SLC9A9: variants seen among roughly 807,000 people sequenced by gnomAD.
SLC9A9 encodes the protein sodium/hydrogen exchanger 9.
Under a neutral mutation model 77.8 loss-of-function variants are expected in SLC9A9, and 62 were observed. That is an observed-to-expected ratio of 0.80 (90% CI 0.65 to 0.98). The LOEUF (loss-of-function observed/expected upper bound fraction) is 0.98. SLC9A9 is among the 50% of genes least tolerant of loss of function. SLC9A9 has a pLI of 0.00. For missense variants in SLC9A9, 775 were observed against 774.9 expected (o/e 1.00, Z 0.00); for synonymous variants, 320 against 283.5 (o/e 1.13, Z -1.29).
chr3:143,830,887 AT>A (rs1405776078), intron 2 of SLC9A9, among the ~76,000 whole-genome samples: 1 of 152,140 alleles, frequency 6.6e-6, no homozygotes, highest in African/African-American at 2.4e-5. Flanking sequence ...GAAATACATT[AT>A]CTAATTTGCT....
chr3:143,808,032 T>C (rs905796650), intron 2 of SLC9A9, among the ~76,000 whole-genome samples: 6 of 152,142 alleles, frequency 3.9e-5, no homozygotes, highest in Non-Finnish European at 1.5e-5. Flanking sequence ...GAGAAGGCAG[T>C]ACCCAAGTAT....
intron 9 of SLC9A9, among the ~76,000 whole-genome samples, chr3:143,513,372 T>C (rs891638303): frequency 2.6e-5 from 4 of 152,236 alleles, no homozygotes; most frequent in Admixed American, 2.6e-4. Flanking sequence ...ACAACTCATC[T>C]GTTCAAGTTT....
chr3:143,692,099 C>T (rs1405400263), intron 5 of SLC9A9, among the ~76,000 whole-genome samples: 1 of 152,076 alleles, frequency 6.6e-6, no homozygotes, highest in African/African-American at 2.4e-5. Flanking sequence ...ATAAGAAATA[C>T]AGGGCACTGA....
intron 1 of SLC9A9, among the ~76,000 whole-genome samples, chr3:143,839,350 T>C (rs917119473): frequency 7.2e-5 from 11 of 152,194 alleles, no homozygotes; most frequent in African/African-American, 2.7e-4. Context: ...ATGAAGCTAA[T>C]TAACCTTGTG....
In SLC9A9 at chr3:143,544,734, C is replaced by T. The variant is rs542653883; in HGVS notation, c.1089+7628G>A. Among the ~76,000 whole-genome samples, 265 of 152,178 alleles carry T rather than the reference C, an allele frequency of 1.7e-3. 2 individuals are homozygous for T. Among genetic ancestry groups the T allele is most frequent in the Middle Eastern group, 6.8e-3 (2 of 294 alleles). On this transcript the variant is annotated intron_variant, in intron 9 of 15. Transcript: ENST00000316549. ...TGCTTTTGAGGACTTAGTCACAAAT[C>T]CTTTCCCAAAACTGATGTCCAGAAT...
At chr3:143,488,369 C>A (rs965589817) in intron 11 of SLC9A9, among the ~76,000 whole-genome samples, 34 of 151,876 alleles carry the variant, frequency 2.2e-4, no homozygotes, top group Non-Finnish European at 3.5e-4. Context: ...TTCCAAAAAC[C>A]TGAAGAGGAG....
chr3:143,575,132 A>G (rs145213905), intron 7 of SLC9A9, among the ~76,000 whole-genome samples: 1 of 152,244 alleles, frequency 6.6e-6, no homozygotes, highest in Non-Finnish European at 1.5e-5. Context: ...TCTCAGCAGT[A>G]TATTAACCTC....
rs75645508 is a variant in SLC9A9, at chr3:143,844,670, C to T, written c.175+3478G>A. Among the ~76,000 whole-genome samples, 115 of 152,166 alleles carry T rather than the reference C, an allele frequency of 7.6e-4. 1 individual carries two copies. Among genetic ancestry groups the T allele is most frequent in the African/African-American group, 2.6e-3 (109 of 41,498 alleles). ...GTTACAGTCTACTCTCAAATGTTCA[C>T]TTCCTTAAGAACAAGAAATTTTAAA... On this transcript the variant is annotated intron_variant, in intron 1 of 15. Transcript: ENST00000316549.
At chr3:143,674,056 T>A (rs1170753183) in intron 5 of SLC9A9, among the ~76,000 whole-genome samples, 4 of 152,180 alleles carry the variant, frequency 2.6e-5, no homozygotes, top group African/African-American at 9.7e-5. Flanking sequence ...CTGAGAAGAA[T>A]TCACTGCTAA....
intron 6 of SLC9A9, among the ~76,000 whole-genome samples, chr3:143,579,314 A>G (rs1216341760): frequency 2.0e-5 from 3 of 152,204 alleles, no homozygotes; most frequent in African/African-American, 4.8e-5. Context: ...CCACCAAAAC[A>G]AATGGCAACA....
chr3:143,739,586 T>A (rs950867702), intron 4 of SLC9A9, among the ~76,000 whole-genome samples: 1 of 152,246 alleles, frequency 6.6e-6, no homozygotes, highest in Non-Finnish European at 1.5e-5. Flanking sequence ...TATTTTATGA[T>A]CAATAACCAC....
At chr3:143,796,257 C>T (rs888056589) in intron 3 of SLC9A9, among the ~76,000 whole-genome samples, 1 of 152,182 alleles carries the variant, frequency 6.6e-6, no homozygotes, top group Non-Finnish European at 1.5e-5. Flanking sequence ...TGAGCATCAA[C>T]AGTAGTCTTG....
chr3:143,548,968 C>A (rs2036836292), intron 9 of SLC9A9, among the ~76,000 whole-genome samples: 1 of 152,170 alleles, frequency 6.6e-6, no homozygotes, highest in African/African-American at 2.4e-5. Flanking sequence ...CCTGAGTTTA[C>A]TAATTGGCTT....
intron 4 of SLC9A9, among the ~76,000 whole-genome samples, chr3:143,712,377 A>C (rs1437236113): frequency 6.6e-6 from 1 of 152,214 alleles, no homozygotes; most frequent in Non-Finnish European, 1.5e-5. Flanking sequence ...GGAAAGAATT[A>C]AGTTTATTAA....
At chr3:143,414,737 G>T (rs2034160955) in intron 12 of SLC9A9, among the ~76,000 whole-genome samples, 1 of 152,142 alleles carries the variant, frequency 6.6e-6, no homozygotes, top group Non-Finnish European at 1.5e-5. Context: ...CAGCAGTATT[G>T]AAATTAAGCC....
intron 8 of SLC9A9, among the ~76,000 whole-genome samples, chr3:143,564,480 G>A (rs1229072442): frequency 6.6e-6 from 1 of 152,030 alleles, no homozygotes; most frequent in African/African-American, 2.4e-5. Flanking sequence ...GGGTTTAAGA[G>A]GTTGATGGGT....
chr3:143,725,316 AAGTC>A (rs1178981308), intron 4 of SLC9A9, among the ~76,000 whole-genome samples: 2 of 152,080 alleles, frequency 1.3e-5, no homozygotes, highest in African/African-American at 4.8e-5. Context: ...ACCATTGTGG[AAGTC>A]AGTGTGGCGA....
chr3:143,434,478 G>A (rs914907130), intron 12 of SLC9A9, among the ~76,000 whole-genome samples: 2 of 152,138 alleles, frequency 1.3e-5, no homozygotes, highest in Non-Finnish European at 2.9e-5. Flanking sequence ...TCCTGGAAGA[G>A]CAACCTGTAA....
chr3:143,743,598 A>G (rs1315631176), intron 4 of SLC9A9, among the ~76,000 whole-genome samples: 1 of 152,072 alleles, frequency 6.6e-6, no homozygotes, highest in Admixed American at 6.5e-5. Flanking sequence ...TTTTGGTTCT[A>G]TCTGGGCCTC....
Sources: gnomAD v4.1 joint callset for allele counts (sites outside exome capture counted in the v4.1 genomes callset) on GRCh38, gnomAD v4.1.1 for gene constraint, MANE v1.5 for transcripts, NCBI Gene and HGNC (gene_info 2026-07-23, HGNC 2026-07-21) for gene names.